Variants in ADAMTS17 observed in about 807,000 individuals in gnomAD.
The protein encoded by ADAMTS17 is ADAM metallopeptidase with thrombospondin type 1 motif 17, also known as A disintegrin and metalloproteinase with thrombospondin motifs 17.
A neutral mutation model predicts 141.5 loss-of-function variants in ADAMTS17; 113 were observed. The ratio of observed to expected loss-of-function variants is 0.80; its 90% CI spans 0.69 to 0.93. The LOEUF is 0.93. Ranked by LOEUF, ADAMTS17 falls within the 40% of genes least tolerant of loss-of-function variation. The pLI, the probability that ADAMTS17 is intolerant of heterozygous loss-of-function variation, is 0.00. For missense variants in ADAMTS17, 1,659 were observed against 1,517.9 expected (o/e 1.09, Z -1.54); for synonymous variants, 768 against 630.6 (o/e 1.22, Z -3.27).
At chr15:100,136,410 C>G (rs2038336835) in intron 10 of ADAMTS17, among the ~76,000 whole-genome samples, 1 of 152,216 alleles carries the variant, frequency 6.6e-6, no homozygotes, top group African/African-American at 2.4e-5. Flanking sequence ...TGCACCCAAG[C>G]CAAGTCCTCA....
chr15:100,113,094 C>G (rs12906927), intron 13 of ADAMTS17, among the ~76,000 whole-genome samples: 41,322 of 151,996 alleles, frequency 0.27, 5,860 homozygotes, highest in East Asian at 0.39. Context: ...GCTGCCCAAC[C>G]CGGCCCCCTC....
intron 10 of ADAMTS17, among the ~76,000 whole-genome samples, chr15:100,140,726 C>T (rs981538868): frequency 1.3e-5 from 2 of 151,920 alleles, no homozygotes; most frequent in Non-Finnish European, 2.9e-5. Flanking sequence ...ACACAGGCTC[C>T]TTCCCACTGG....
chr15:100,335,241 T>C (rs1185625005), intron 2 of ADAMTS17, among the ~76,000 whole-genome samples: 1 of 152,158 alleles, frequency 6.6e-6, no homozygotes, highest in Admixed American at 6.5e-5. Context: ...CAAGTCCAAA[T>C]GCCTTCGGTT....
rs2060251008 is a variant in ADAMTS17, at chr15:99,973,365, C to T, written c.*1037G>A. 1 of 104,076 alleles carries T rather than the reference C, an allele frequency of 9.6e-6. No homozygotes were observed. Among genetic ancestry groups the T allele is most frequent in the African/African-American group, 3.5e-5 (1 of 28,592 alleles). The allele number at this position is 104,076 out of a possible 1,614,324, so 6.4% of individuals were successfully genotyped here. On this transcript the variant is annotated 3_prime_UTR_variant, in exon 22 of 22. Coordinates refer to ENST00000268070, the MANE Select transcript of ADAMTS17 (RefSeq NM_139057.4). ...GCCAGGATAGAGCAGTCAGGCCTTGCTCTACAGATCCTAGGCCTGGGCTTG... is the reference window on the plus strand; with the variant it reads ...GCCAGGATAGAGCAGTCAGGCCTTGTTCTACAGATCCTAGGCCTGGGCTTG...
intron 17 of ADAMTS17, among the ~76,000 whole-genome samples, 159 bp from the exon 18 acceptor site, chr15:100,049,151 A>T (rs1418265866): frequency 6.6e-6 from 1 of 152,206 alleles, no homozygotes; most frequent in Non-Finnish European, 1.5e-5. Context: ...GAGAGGAAGA[A>T]CTATAATCGT....
intron 3 of ADAMTS17, among the ~76,000 whole-genome samples, chr15:100,287,334 G>A (rs2044479418): frequency 1.3e-5 from 2 of 152,190 alleles, no homozygotes. Context: ...AACTCAGGCA[G>A]ACAAGCTAAA....
intron 4 of ADAMTS17, among the ~76,000 whole-genome samples, chr15:100,265,962 G>C (rs1490472414): frequency 6.6e-6 from 1 of 152,172 alleles, no homozygotes; most frequent in Non-Finnish European, 1.5e-5. Flanking sequence ...ACACCCACCG[G>C]AGTGTGGGAA....
At chr15:100,208,813 T>TACATA (rs1325941289) in intron 7 of ADAMTS17, among the ~76,000 whole-genome samples, 459 of 152,308 alleles carry the variant, frequency 3.0e-3, no homozygotes, top group African/African-American at 0.01. Context: ...CTGGACAATT[T>TACATA]AGATAAGGGT....
chr15:100,231,928 G>A (rs962179741), intron 7 of ADAMTS17, among the ~76,000 whole-genome samples: 5 of 152,134 alleles, frequency 3.3e-5, no homozygotes, highest in African/African-American at 1.2e-4. Context: ...CACAGACATA[G>A]AATAAATCTT....
chr15:100,296,954 G>A (rs1368034002), intron 3 of ADAMTS17, among the ~76,000 whole-genome samples: 1 of 152,148 alleles, frequency 6.6e-6, no homozygotes, highest in African/African-American at 2.4e-5. Context: ...ATGAACAGAA[G>A]AATTAAACAT....
chr15:100,157,725 C>G (rs1199816401), intron 8 of ADAMTS17, among the ~76,000 whole-genome samples: 1 of 152,160 alleles, frequency 6.6e-6, no homozygotes, highest in East Asian at 1.9e-4. Flanking sequence ...GTGTGTTGAT[C>G]TGGCGTGGTG....
chr15:100,011,140 A>C (rs2061160057), intron 18 of ADAMTS17, among the ~76,000 whole-genome samples: 1 of 150,926 alleles, frequency 6.6e-6, no homozygotes, highest in Non-Finnish European at 1.5e-5. Context: ...TTGAGGCTTC[A>C]GTTAATTAGT....
intron 14 of ADAMTS17, among the ~76,000 whole-genome samples, chr15:100,108,766 T>C (rs537168793): frequency 6.6e-6 from 1 of 152,352 alleles, no homozygotes; most frequent in Admixed American, 6.5e-5. Context: ...TTGTGCCTGT[T>C]CTTTCCACCT....
At chr15:100,271,239 T>A (rs2043899633) in intron 4 of ADAMTS17, among the ~76,000 whole-genome samples, 1 of 152,202 alleles carries the variant, frequency 6.6e-6, no homozygotes, top group Non-Finnish European at 1.5e-5. Context: ...TGTCCCTGCT[T>A]TGGGATAAAC....
intron 10 of ADAMTS17, among the ~76,000 whole-genome samples, chr15:100,135,889 C>T (rs2038303949): frequency 6.6e-6 from 1 of 152,176 alleles, no homozygotes; most frequent in Non-Finnish European, 1.5e-5. Context: ...TACCTTGACA[C>T]AGCAGCCAGA....
chr15:100,297,275 A>G (rs1398096977), intron 3 of ADAMTS17, among the ~76,000 whole-genome samples: 1 of 152,158 alleles, frequency 6.6e-6, no homozygotes, highest in Non-Finnish European at 1.5e-5. Flanking sequence ...TGGGCAGGGC[A>G]AACAGGCAGG....
At position 100,236,892 on chromosome 15, in the gene ADAMTS17, C is replaced by T. The variant is rs139518499; in HGVS notation, c.1075+17244G>A. 4.1e-3 allele frequency among the ~76,000 whole-genome samples: 619 copies of T among 152,220 alleles called. 7 individuals carry two copies. The highest frequency in any genetic ancestry group is 0.014 in the African/African-American group (582 of 41,530). On this transcript the variant is annotated intron_variant, in intron 7 of 21. Transcript: ENST00000268070. Reference sequence around the variant, plus strand: ...TTGTTCCATGCTCCCTCTCCTCTGCCCCCAAAACAGAGCCAGGAATGGGTC... The same window carrying T: ...TTGTTCCATGCTCCCTCTCCTCTGCTCCCAAAACAGAGCCAGGAATGGGTC...
At chr15:100,046,243 T>G (rs1204828999) in intron 18 of ADAMTS17, among the ~76,000 whole-genome samples, 1 of 152,162 alleles carries the variant, frequency 6.6e-6, no homozygotes, top group Non-Finnish European at 1.5e-5. Flanking sequence ...TTGTTATCTG[T>G]AGGAGGGCTG....
intron 7 of ADAMTS17, among the ~76,000 whole-genome samples, chr15:100,223,010 ACACT>A (rs2042182781): frequency 6.6e-6 from 1 of 152,198 alleles, no homozygotes; most frequent in South Asian, 2.1e-4. Flanking sequence ...TTCCCTTGAA[ACACT>A]CAGCGCTCTC....
Sources: gnomAD v4.1 joint callset for allele counts (sites outside exome capture counted in the v4.1 genomes callset) on GRCh38, gnomAD v4.1.1 for gene constraint, MANE v1.5 for transcripts, NCBI Gene and HGNC (gene_info 2026-07-23, HGNC 2026-07-21) for gene names.